Variants in VAV3 observed in about 807,000 individuals in gnomAD.
VAV3 encodes the protein vav guanine nucleotide exchange factor 3, also known as guanine nucleotide exchange factor VAV3.
VAV3 carries 94 observed loss-of-function variants against 131.2 expected under a neutral mutation model. The observed-to-expected ratio is 0.72, with a 90% CI of 0.61 to 0.85. The LOEUF (loss-of-function observed/expected upper bound fraction) is 0.85, where lower values mean the gene tolerates loss of function less well. VAV3 is among the 40% of genes least tolerant of loss of function. The pLI, the probability that VAV3 is intolerant of heterozygous loss-of-function variation, is 0.00. For synonymous variants in VAV3, 349 were observed against 342.0 expected (o/e 1.02, Z -0.22); for missense variants, 939 against 1,002.7 (o/e 0.94, Z 0.86).
chr1:107,900,427 C>A (rs1041404859), intron 1 of VAV3, among the ~76,000 whole-genome samples: 1 of 152,112 alleles, frequency 6.6e-6, no homozygotes, highest in Non-Finnish European at 1.5e-5. Context: ...GTTTTTAGGC[C>A]TTCAACTCTT....
rs575360528 is a variant in VAV3 at position 107,780,927 on chromosome 1, C to T, written c.322-1435G>A. On this transcript the variant is annotated intron_variant, in intron 2 of 26. Coordinates refer to ENST00000370056, the MANE Select transcript of VAV3 (RefSeq NM_006113.5). ...GCTTATTCAGAATGATAGTAAAAAGCGAGAAAAGGCAAAAATCTGTTTCTA... is the reference window on the plus strand; with the variant it reads ...GCTTATTCAGAATGATAGTAAAAAGTGAGAAAAGGCAAAAATCTGTTTCTA... Among the ~76,000 whole-genome samples, 116 of 152,086 alleles carry T rather than the reference C, an allele frequency of 7.6e-4. 1 individual carries two copies. The highest frequency in any genetic ancestry group is 2.7e-3 in the African/African-American group (110 of 41,480).
chr1:107,789,963 T>C (rs147659364), intron 2 of VAV3, among the ~76,000 whole-genome samples: 4 of 152,236 alleles, frequency 2.6e-5, no homozygotes, highest in East Asian at 1.9e-4. Flanking sequence ...TACTGAGTGG[T>C]ACAAGTCTAC....
At chr1:107,826,939 TA>T (rs997546492) in intron 2 of VAV3, among the ~76,000 whole-genome samples, 3 of 152,232 alleles carry the variant, frequency 2.0e-5, no homozygotes, top group African/African-American at 2.4e-5. Flanking sequence ...TTTTTTATAT[TA>T]AAAAGATAAT....
At chr1:107,724,201 A>ACCTCC (rs1179584228) in intron 15 of VAV3, among the ~76,000 whole-genome samples, 2 of 152,020 alleles carry the variant, frequency 1.3e-5, no homozygotes, top group African/African-American at 4.8e-5. Context: ...TTAAATGTTC[A>ACCTCC]CCTCCGTCTC....
intron 25 of VAV3, among the ~76,000 whole-genome samples, chr1:107,591,725 A>AGACTCCCC (rs1485611219): frequency 6.6e-6 from 1 of 152,164 alleles, no homozygotes; most frequent in Non-Finnish European, 1.5e-5. Flanking sequence ...TTTTTCATTC[A>AGACTCCCC]GACTCCCCAA....
At chr1:107,731,551 T>C (rs76414015) in intron 15 of VAV3, among the ~76,000 whole-genome samples, 1,737 of 152,256 alleles carry the variant, frequency 0.011, 20 homozygotes, top group Non-Finnish European at 0.016. Flanking sequence ...AAATTATACT[T>C]TAACAGACAA....
In VAV3 at chr1:107,749,614, T is replaced by C. The variant is rs1663581648; in HGVS notation, c.1260-20A>G. On this transcript the variant is annotated intron_variant, in intron 13 of 26. Transcript: ENST00000370056. ...ATATGCCTGGGAAAAAGAGATTGAT[T>C]GATTGATTTTAAATGGTTTAGAAAC... is the stretch of plus-strand genomic sequence containing the variant. The C allele has an allele frequency of 1.2e-6, 2 of 1,606,152 alleles. No individual in the cohort carries two copies. The highest frequency in any genetic ancestry group is 8.5e-7 in the Non-Finnish European group (1 of 1,178,190).
intron 1 of VAV3, among the ~76,000 whole-genome samples, chr1:107,918,338 A>T (rs1483511511): frequency 6.6e-6 from 1 of 152,220 alleles, no homozygotes. Flanking sequence ...TTTTACCAAC[A>T]GCAGACCTGG....
intron 19 of VAV3, among the ~76,000 whole-genome samples, chr1:107,663,518 T>A (rs1657190969): frequency 6.6e-6 from 1 of 152,192 alleles, no homozygotes; most frequent in African/African-American, 2.4e-5. Flanking sequence ...AATGGTTTGA[T>A]AAGCTCTTTC....
At chr1:107,722,947 T>C (rs1661593359) in intron 15 of VAV3, among the ~76,000 whole-genome samples, 1 of 150,190 alleles carries the variant, frequency 6.7e-6, no homozygotes, top group Admixed American at 6.8e-5. Context: ...AGCTCAAATG[T>C]TATCTCCTCT....
At chr1:107,623,420 T>C (rs756932466) in intron 20 of VAV3, among the ~76,000 whole-genome samples, 7 of 152,244 alleles carry the variant, frequency 4.6e-5, no homozygotes, top group Non-Finnish European at 8.8e-5. Flanking sequence ...TCATGTGTTA[T>C]TAAAATAGAA....
In VAV3 at chr1:107,696,847, T is replaced by C. The variant is rs115892374; in HGVS notation, c.1705+7703A>G. Reference sequence around the variant, plus strand: ...GTCTCCATCCCCTGGATATATCTTATCCCTTTTCCTGCCCTCCCCTACACC... The same window carrying C: ...GTCTCCATCCCCTGGATATATCTTACCCCTTTTCCTGCCCTCCCCTACACC... On this transcript the variant is annotated intron_variant, in intron 17 of 26. Transcript: ENST00000370056. Among the ~76,000 whole-genome samples, 1,437 of 152,210 alleles carry C rather than the reference T, an allele frequency of 9.4e-3. 21 individuals carry two copies. The highest frequency in any genetic ancestry group is 0.033 in the African/African-American group (1,372 of 41,506).
chr1:107,883,279 T>TG (rs1324835878), intron 1 of VAV3, among the ~76,000 whole-genome samples: 4 of 152,172 alleles, frequency 2.6e-5, no homozygotes, highest in Non-Finnish European at 5.9e-5. Flanking sequence ...ACATCTGTTA[T>TG]GGTAATAACT....
chr1:107,777,487 C>G (rs1158519153), intron 3 of VAV3, among the ~76,000 whole-genome samples, 191 bp from the exon 4 acceptor site: 2 of 152,166 alleles, frequency 1.3e-5, no homozygotes, highest in African/African-American at 4.8e-5. Flanking sequence ...CTGGGGTTCC[C>G]CTAGGGAGGC....
At chr1:107,907,714 C>T (rs2101108145) in intron 1 of VAV3, among the ~76,000 whole-genome samples, 1 of 152,234 alleles carries the variant, frequency 6.6e-6, no homozygotes, top group East Asian at 1.9e-4. Flanking sequence ...CATTCTTACT[C>T]TCTTGCCCTT....
At chr1:107,819,325 G>A (rs1667692049) in intron 2 of VAV3, among the ~76,000 whole-genome samples, 2 of 152,018 alleles carry the variant, frequency 1.3e-5, no homozygotes, top group Admixed American at 6.6e-5. Flanking sequence ...AATAACAAAT[G>A]AAAGCTTCAG....
chr1:107,824,276 T>G (rs1340089501), intron 2 of VAV3, among the ~76,000 whole-genome samples: 2 of 152,182 alleles, frequency 1.3e-5, no homozygotes, highest in Non-Finnish European at 2.9e-5. Context: ...CGTCGCTATT[T>G]CAAGAAATTT....
chr1:107,675,089 T>C (rs1262517755), intron 19 of VAV3, among the ~76,000 whole-genome samples: 1 of 152,158 alleles, frequency 6.6e-6, no homozygotes, highest in Non-Finnish European at 1.5e-5. Context: ...AGTGAAGTAT[T>C]GTAAGAAACC....
intron 1 of VAV3, among the ~76,000 whole-genome samples, chr1:107,924,298 CAATT>C (rs886725181): frequency 4.0e-5 from 6 of 151,172 alleles, no homozygotes; most frequent in African/African-American, 1.2e-4. Context: ...AATTACAAAT[CAATT>C]GTTATAAATT....
Sources: allele counts gnomAD v4.1 joint callset (sites outside exome capture counted in the v4.1 genomes callset), GRCh38; gene constraint gnomAD v4.1.1; transcripts MANE v1.5; gene names NCBI Gene and HGNC (gene_info 2026-07-23, HGNC 2026-07-21).